Variants in SLC2A13 observed in about 807,000 individuals in gnomAD.
SLC2A13 encodes the protein solute carrier family 2 member 13.
SLC2A13 carries 32 observed loss-of-function variants against 64.4 expected under a neutral mutation model. The observed-to-expected ratio is 0.50, with a 90% CI of 0.37 to 0.67. SLC2A13 has a LOEUF of 0.67. Ranked by LOEUF, SLC2A13 falls within the 30% of genes least tolerant of loss-of-function variation. The pLI, the probability that SLC2A13 is intolerant of heterozygous loss-of-function variation, is 0.00. For missense variants in SLC2A13, 743 were observed against 829.2 expected, an observed-to-expected ratio of 0.90 and a Z score of 1.28; for synonymous variants, 338 against 327.1, an observed-to-expected ratio of 1.03 and a Z score of -0.36.
chr12:40,002,659 A>G (rs968929924), intron 3 of SLC2A13, among the ~76,000 whole-genome samples: 2 of 152,208 alleles, frequency 1.3e-5, no homozygotes, highest in African/African-American at 4.8e-5. Context: ...TAGGTCCTTG[A>G]GACTCTGAGA....
chr12:39,838,861 T>C (rs1943101156), intron 6 of SLC2A13, among the ~76,000 whole-genome samples: 1 of 152,090 alleles, frequency 6.6e-6, no homozygotes, highest in Non-Finnish European at 1.5e-5. Flanking sequence ...TTTTTAAGTA[T>C]GTCTCATTAA....
chr12:40,087,528 C>A (rs1938623165), intron 1 of SLC2A13, among the ~76,000 whole-genome samples: 1 of 152,184 alleles, frequency 6.6e-6, no homozygotes, highest in Non-Finnish European at 1.5e-5. Flanking sequence ...AGAAAAATTT[C>A]TACACATTCT....
chr12:39,838,447 T>A (rs1592190338), intron 6 of SLC2A13, among the ~76,000 whole-genome samples: 1 of 146,418 alleles, frequency 6.8e-6, no homozygotes, highest in South Asian at 2.2e-4. Flanking sequence ...CATATGTAAC[T>A]AACCTGCACA....
intron 3 of SLC2A13, among the ~76,000 whole-genome samples, chr12:40,015,657 C>A (rs1404512577): frequency 1.3e-5 from 2 of 152,202 alleles, no homozygotes; most frequent in Non-Finnish European, 2.9e-5. Context: ...CCCCATCACA[C>A]TCATTGCTTC....
intron 4 of SLC2A13, among the ~76,000 whole-genome samples, chr12:39,895,323 T>C (rs745398630): frequency 6.6e-6 from 1 of 151,312 alleles, no homozygotes; most frequent in Non-Finnish European, 1.5e-5. Context: ...ATCCCGTCTC[T>C]ACTAAAAATA....
chr12:39,953,192 T>A (rs993704369), intron 3 of SLC2A13, among the ~76,000 whole-genome samples: 5 of 152,122 alleles, frequency 3.3e-5, no homozygotes, highest in African/African-American at 1.2e-4. Flanking sequence ...TTATGACAAA[T>A]TAGGACCAAA....
intron 3 of SLC2A13, among the ~76,000 whole-genome samples, chr12:39,958,022 T>G (rs1946346682): frequency 6.6e-6 from 1 of 152,208 alleles, no homozygotes; most frequent in African/African-American, 2.4e-5. Context: ...GGTATGCCAC[T>G]CAGGTACATA....
intron 3 of SLC2A13, among the ~76,000 whole-genome samples, chr12:39,976,452 A>G (rs566820711): frequency 7.2e-5 from 11 of 152,270 alleles, no homozygotes; most frequent in East Asian, 1.9e-4. Context: ...AGCAGACCAT[A>G]TATGAACACA....
At chr12:39,941,755 T>C (rs1408955134) in intron 4 of SLC2A13, among the ~76,000 whole-genome samples, 1 of 152,176 alleles carries the variant, frequency 6.6e-6, no homozygotes, top group Non-Finnish European at 1.5e-5. Flanking sequence ...TGCATTTGCT[T>C]TTGTGTTCTT....
At chr12:39,825,861 G>A (rs1003348051) in intron 7 of SLC2A13, among the ~76,000 whole-genome samples, 1 of 151,888 alleles carries the variant, frequency 6.6e-6, no homozygotes, top group Non-Finnish European at 1.5e-5. Context: ...AACCTCTTGT[G>A]GATCTGTTTA....
At chr12:39,764,675 T>C (rs1307048198) in intron 8 of SLC2A13, 62 bp downstream of exon 8, 4 of 1,589,136 alleles carry the variant, frequency 2.5e-6, no homozygotes, top group African/African-American at 2.7e-5. Context: ...AAAATTATAG[T>C]TTATCTACTC....
At chr12:39,999,923 T>C (rs1947296252) in intron 3 of SLC2A13, among the ~76,000 whole-genome samples, 1 of 152,218 alleles carries the variant, frequency 6.6e-6, no homozygotes, top group African/African-American at 2.4e-5. Context: ...TACCAATATG[T>C]GATGTCACCC....
At chr12:40,079,186 T>C (rs1294418855) in intron 1 of SLC2A13, among the ~76,000 whole-genome samples, 1 of 152,212 alleles carries the variant, frequency 6.6e-6, no homozygotes, top group Non-Finnish European at 1.5e-5. Flanking sequence ...CTCCCTCTTG[T>C]ATTTCTAGTT....
intron 4 of SLC2A13, among the ~76,000 whole-genome samples, chr12:39,933,083 G>T (rs1945856854): frequency 6.6e-6 from 1 of 152,042 alleles, no homozygotes; most frequent in Non-Finnish European, 1.5e-5. Context: ...ACAAAAATTA[G>T]CCAGTCGTGG....
chr12:39,911,248 T>C (rs1945423198), intron 4 of SLC2A13, among the ~76,000 whole-genome samples: 1 of 151,924 alleles, frequency 6.6e-6, no homozygotes, highest in South Asian at 2.1e-4. Flanking sequence ...ATATTTATCT[T>C]AAAAAAAATG....
intron 4 of SLC2A13, among the ~76,000 whole-genome samples, chr12:39,912,011 A>G (rs577863859): frequency 3.1e-4 from 47 of 152,094 alleles, no homozygotes; most frequent in Non-Finnish European, 6.2e-4. Context: ...TCTGACTCCC[A>G]TGAGGGCTGG....
intron 3 of SLC2A13, among the ~76,000 whole-genome samples, chr12:39,989,312 C>A (rs544297307): frequency 6.6e-6 from 1 of 152,298 alleles, no homozygotes; most frequent in East Asian, 1.9e-4. Flanking sequence ...AAAGGTGCAA[C>A]CCTCTTGCCT....
At chr12:40,033,038 A>G (rs1395225852) in intron 2 of SLC2A13, among the ~76,000 whole-genome samples, 1 of 152,214 alleles carries the variant, frequency 6.6e-6, no homozygotes, top group Admixed American at 6.5e-5. Flanking sequence ...CCGTGTGCCA[A>G]GCACTGTTCA....
At chr12:39,760,823 T>C (rs911875093) in intron 9 of SLC2A13, among the ~76,000 whole-genome samples, 2 of 151,946 alleles carry the variant, frequency 1.3e-5, no homozygotes, top group African/African-American at 4.8e-5. Flanking sequence ...AGGGTCATGA[T>C]AGCAAGCCTA....
Sources: allele counts gnomAD v4.1 joint callset (sites outside exome capture counted in the v4.1 genomes callset), GRCh38; gene constraint gnomAD v4.1.1; transcripts MANE v1.5; gene names NCBI Gene and HGNC (gene_info 2026-07-23, HGNC 2026-07-21).